CTNNA3: variants seen among roughly 807,000 people sequenced by gnomAD.
CTNNA3 encodes the protein catenin alpha 3.
A neutral mutation model predicts 95.7 loss-of-function variants in CTNNA3; 76 were observed. The observed-to-expected ratio is 0.79, with a 90% CI of 0.66 to 0.96. CTNNA3 has a LOEUF of 0.96. CTNNA3 is among the 40% of genes least tolerant of loss of function. CTNNA3 has a pLI of 0.00. For synonymous variants in CTNNA3, 431 were observed against 374.4 expected (o/e 1.15, Z -1.74); for missense variants, 1,191 against 1,089.8 (o/e 1.09, Z -1.31).
At chr10:66,003,082 C>A (rs1226990569) in intron 15 of CTNNA3, among the ~76,000 whole-genome samples, 4 of 152,162 alleles carry the variant, frequency 2.6e-5, no homozygotes, top group African/African-American at 4.8e-5. Context: ...ATGACATATA[C>A]TCTGCCTGGG....
rs137913531 is a variant in CTNNA3 at position 67,646,614 on chromosome 10, A to G, written c.99+801T>C. On this transcript the variant is annotated intron_variant, in intron 2 of 17. Transcript: ENST00000433211. ...CCATCTCACAAAAAAGATAAGCAGA[A>G]CATATTTAAATTATCTGAGGAAAGG... Among the ~76,000 whole-genome samples, 556 of 152,250 alleles carry G rather than the reference A, an allele frequency of 3.7e-3. 5 individuals carry two copies. Among genetic ancestry groups the G allele is most frequent in the African/African-American group, 0.013 (522 of 41,558 alleles).
chr10:66,139,770 G>A (rs1042964746), intron 13 of CTNNA3, among the ~76,000 whole-genome samples: 1 of 152,148 alleles, frequency 6.6e-6, no homozygotes, highest in Non-Finnish European at 1.5e-5. Context: ...CGGGAATCAG[G>A]CAGACAGGCC....
intron 7 of CTNNA3, among the ~76,000 whole-genome samples, chr10:66,921,469 A>G (rs1283650275): frequency 6.6e-6 from 1 of 152,174 alleles, no homozygotes. Flanking sequence ...TATTCTTAGA[A>G]TGTCATCCAA....
intron 13 of CTNNA3, among the ~76,000 whole-genome samples, chr10:66,239,323 C>G (rs1236697600): frequency 6.6e-6 from 1 of 151,384 alleles, no homozygotes; most frequent in Admixed American, 6.6e-5. Context: ...TAGTCTTCTG[C>G]TTTTATTCTT....
intron 9 of CTNNA3, among the ~76,000 whole-genome samples, chr10:66,675,246 T>C (rs556072476): frequency 4.3e-4 from 65 of 152,208 alleles, no homozygotes; most frequent in African/African-American, 1.6e-3. Context: ...GCTTTTTTTT[T>C]TCTTTTTAAA....
At chr10:66,676,488 C>A (rs1846860720) in intron 9 of CTNNA3, among the ~76,000 whole-genome samples, 1 of 152,100 alleles carries the variant, frequency 6.6e-6, no homozygotes, top group African/African-American at 2.4e-5. Context: ...GACAGGAAAG[C>A]CAAAGGTACC....
At chr10:67,512,225 A>C (rs879753698) in intron 5 of CTNNA3, among the ~76,000 whole-genome samples, 8 of 152,234 alleles carry the variant, frequency 5.3e-5, no homozygotes, top group Non-Finnish European at 7.3e-5. Flanking sequence ...AAAGGTAACA[A>C]GTGTTGGTGA....
chr10:67,028,066 A>C (rs576613580), intron 7 of CTNNA3, among the ~76,000 whole-genome samples: 4 of 152,178 alleles, frequency 2.6e-5, no homozygotes, highest in Non-Finnish European at 5.9e-5. Flanking sequence ...GAACTATCCA[A>C]GGTCACACTG....
rs34838887 is a variant in CTNNA3, at chr10:67,329,828, C to CA, written c.580-109959dup. 4.6e-5 allele frequency among the ~76,000 whole-genome samples: 7 copies of CA among 152,234 alleles called. No homozygotes were observed. The South Asian group carries it at 1.2e-3, about 27-fold the overall frequency. On this transcript the variant is annotated intron_variant, in intron 5 of 17. Coordinates refer to ENST00000433211, the MANE Select transcript of CTNNA3 (RefSeq NM_013266.4). The stretch of plus-strand genomic sequence containing the variant: ...GAGACAGAAGTTTACTTTGCTTTCA[C>CA]AAAAAAAGTCTGGAGGTAAAGTGCT...
At chr10:67,287,889 G>T (rs940079477) in intron 5 of CTNNA3, among the ~76,000 whole-genome samples, 1 of 152,126 alleles carries the variant, frequency 6.6e-6, no homozygotes, top group African/African-American at 2.4e-5. Context: ...TCAGTAAAAA[G>T]AACAACTTTT....
intron 13 of CTNNA3, among the ~76,000 whole-genome samples, chr10:66,251,897 G>A (rs911223176): frequency 6.6e-6 from 1 of 152,178 alleles, no homozygotes; most frequent in Non-Finnish European, 1.5e-5. Flanking sequence ...AACACTTACA[G>A]AGAGTTTAAG....
intron 1 of CTNNA3, among the ~76,000 whole-genome samples, chr10:67,733,721 C>G (rs935134963): frequency 5.9e-5 from 9 of 152,172 alleles, no homozygotes; most frequent in Non-Finnish European, 1.5e-5. Context: ...CCATATTTAC[C>G]TCTCTTCCTG....
intron 7 of CTNNA3, among the ~76,000 whole-genome samples, chr10:66,981,778 T>C (rs767951639): frequency 6.6e-6 from 1 of 152,242 alleles, no homozygotes; most frequent in Non-Finnish European, 1.5e-5. Context: ...AGTACCTGTA[T>C]GGAGAAACTA....
At chr10:67,709,164 A>G (rs2133609678) in intron 1 of CTNNA3, among the ~76,000 whole-genome samples, 1 of 152,304 alleles carries the variant, frequency 6.6e-6, no homozygotes, top group South Asian at 2.1e-4. Flanking sequence ...CACAAGCAGC[A>G]TTTCAGTAGT....
At chr10:66,949,692 G>A (rs1228502416) in intron 7 of CTNNA3, among the ~76,000 whole-genome samples, 3 of 152,116 alleles carry the variant, frequency 2.0e-5, no homozygotes, top group Non-Finnish European at 2.9e-5. Context: ...AATGCTTATA[G>A]TATGTGAAAA....
intron 7 of CTNNA3, among the ~76,000 whole-genome samples, chr10:67,016,974 G>T (rs541758557): frequency 6.6e-6 from 1 of 151,970 alleles, no homozygotes; most frequent in African/African-American, 2.4e-5. Flanking sequence ...CACATAAATT[G>T]TATCTACTGA....
intron 10 of CTNNA3, among the ~76,000 whole-genome samples, chr10:66,540,560 G>T (rs558764340): frequency 6.6e-6 from 1 of 152,000 alleles, no homozygotes; most frequent in Non-Finnish European, 1.5e-5. Flanking sequence ...AAGTTGAGCC[G>T]TTTTTTCATG....
At chr10:66,938,477 A>T (rs534135758) in intron 7 of CTNNA3, among the ~76,000 whole-genome samples, 1 of 152,204 alleles carries the variant, frequency 6.6e-6, no homozygotes, top group African/African-American at 2.4e-5. Context: ...AAGGAAAAGA[A>T]AATATATTTA....
chr10:66,139,368 G>C (rs948226644), intron 13 of CTNNA3, among the ~76,000 whole-genome samples: 3 of 152,042 alleles, frequency 2.0e-5, no homozygotes, highest in Admixed American at 6.6e-5. Context: ...TTGTGTTTCA[G>C]CTCCTAAGAG....
Sources: allele counts gnomAD v4.1 joint callset (sites outside exome capture counted in the v4.1 genomes callset), GRCh38; gene constraint gnomAD v4.1.1; transcripts MANE v1.5; gene names NCBI Gene and HGNC (gene_info 2026-07-23, HGNC 2026-07-21).